FASTKD2: variants seen among roughly 807,000 people sequenced by gnomAD.
The protein encoded by FASTKD2 is FAST kinase domain-containing protein 2, mitochondrial.
Under a neutral mutation model 63.6 loss-of-function variants are expected in FASTKD2, and 51 were observed. That is an observed-to-expected ratio of 0.80 (90% CI 0.64 to 1.01). The LOEUF is 1.01. Ranked by LOEUF, FASTKD2 falls within the 50% of genes least tolerant of loss-of-function variation. The probability of loss-of-function intolerance (pLI) is 0.00; values close to 1 mark genes in which losing one functional copy is unlikely to be tolerated. For synonymous variants in FASTKD2, 284 were observed against 293.4 expected, an observed-to-expected ratio of 0.97 and a Z score of 0.33; for missense variants, 786 against 831.1, an observed-to-expected ratio of 0.95 and a Z score of 0.67.
chr2:206,778,899 C>T (rs1034409460), intron 7 of FASTKD2, among the ~76,000 whole-genome samples: 6 of 152,158 alleles, frequency 3.9e-5, no homozygotes, highest in African/African-American at 1.4e-4. Context: ...GAAACACCCC[C>T]CTATGCCCAG....
chr2:206,771,844 TTTA>T, intron 4 of FASTKD2, 47 bp from the exon 5 acceptor site: 2 of 1,434,890 alleles, frequency 1.4e-6, no homozygotes, highest in Non-Finnish European at 2.0e-6. Flanking sequence ...AAAAGTTTAA[TTTA>T]TTTTGTCACA....
chr2:206,766,777 T>G lies in FASTKD2; in HGVS notation c.84T>G (p.Leu28=). The G allele has an allele frequency of 1.2e-6, 2 of 1,613,916 alleles. No individual in the cohort carries two copies. Reference sequence around the variant, plus strand: ...AAGCGGGCTCCTTTTTCTGGAACCTTAGACAATTCAGTACATTAGTTTCAA... The same window carrying G: ...AAGCGGGCTCCTTTTTCTGGAACCTGAGACAATTCAGTACATTAGTTTCAA... ...NNKAGSFFWN[L]RQFSTLVSTS... The change falls in exon 2 of 12, where the codon CTT becomes CTG. Residue 28 remains leucine, a synonymous_variant. Coordinates refer to ENST00000402774, the MANE Select transcript of FASTKD2 (RefSeq NM_001136193.2).
chr2:206,779,547 A>G (rs1055758578), intron 7 of FASTKD2, among the ~76,000 whole-genome samples: 2 of 152,204 alleles, frequency 1.3e-5, no homozygotes, highest in African/African-American at 4.8e-5. Flanking sequence ...AGAAAGGGCG[A>G]GGAAGTGCTA....
rs746184606 is a variant in FASTKD2, at chr2:206,767,060, G to T, written c.367G>T (p.Val123Phe). 6.2e-7 allele frequency: 1 copy of T among 1,614,078 alleles called. No individual in the cohort carries two copies. The highest frequency in any genetic ancestry group is 8.5e-7 in the Non-Finnish European group (1 of 1,179,956). The part of the protein sequence containing the change: ...FFDSKQSLVP[V>F]DKSDDELKKV... ...TGACTCAAAGCAGTCTCTTGTCCCT[G>T]TTGATAAATCTGATGATGAATTGAA... Residue 123 changes from valine to phenylalanine, a missense_variant, in exon 2 of 12, where the codon GTT becomes TTT. Physicochemically the swap from Val to Phe is conservative, Grantham distance 50. Transcript: ENST00000402774.
chr2:206,785,146 TGA>T (rs142780723), intron 7 of FASTKD2, among the ~76,000 whole-genome samples: 4,442 of 152,154 alleles, frequency 0.029, 114 homozygotes, highest in African/African-American at 0.065. Flanking sequence ...TCAGATCTCG[TGA>T]GACTTATTGA....
At chr2:206,791,346 A>C in intron 11 of FASTKD2, 1 of 288,662 alleles carries the variant, frequency 3.5e-6, no homozygotes, top group East Asian at 9.1e-5. Context: ...CGTGTGGACT[A>C]TTGAGATTAA....
chr2:206,772,724 T>C (rs1689718241), intron 6 of FASTKD2, among the ~76,000 whole-genome samples: 1 of 151,630 alleles, frequency 6.6e-6, no homozygotes, highest in Admixed American at 6.6e-5. Context: ...GCATATTGTA[T>C]TCAATAAATT....
At chr2:206,778,299 G>A (rs1015321388) in intron 7 of FASTKD2, among the ~76,000 whole-genome samples, 1 of 151,400 alleles carries the variant, frequency 6.6e-6, no homozygotes, top group Non-Finnish European at 1.5e-5. Context: ...AAGTTTTCTT[G>A]TTAGTACTGC....
At chr2:206,771,350 T>C (rs1276837616) in intron 4 of FASTKD2, 60 bp downstream of exon 4, 2 of 989,738 alleles carry the variant, frequency 2.0e-6, no homozygotes, top group Non-Finnish European at 3.2e-6. Flanking sequence ...TATAACCTGC[T>C]ATCACTGCCT....
At position 206,766,814 on chromosome 2, in the gene FASTKD2, A is replaced by C; in HGVS notation, c.121A>C (p.Met41Leu). Residue 41 changes from methionine to leucine, a missense_variant, in exon 2 of 12, where the codon ATG (methionine) becomes CTG (leucine). Met to Leu is a conservative substitution (Grantham distance 15, BLOSUM62 2). Transcript: ENST00000402774. ...TACATTAGTTTCAACAAGCAGAACT[A>C]TGAGGCTATGTTGTTTGGGACTTTG... ...FSTLVSTSRT[M>L]RLCCLGLCKP... The C allele has an allele frequency of 6.2e-7, 1 of 1,612,942 alleles. No individual in the cohort carries two copies. Among genetic ancestry groups the C allele is most frequent in the Non-Finnish European group, 8.5e-7 (1 of 1,179,342 alleles).
chr2:206,774,373 A>G lies in FASTKD2; in HGVS notation c.1403A>G (p.His468Arg), dbSNP rs772042470. Residue 468 changes from histidine (H) to arginine (R), a missense_variant, in exon 7 of 12, where the codon CAT (histidine) becomes CGT (arginine). Coordinates refer to ENST00000402774, the MANE Select transcript of FASTKD2 (RefSeq NM_001136193.2). ...CTTCATACTTACTCTTCTCTCAATC[A>G]TGTCTACAAATGCCAGAACAAAGAG... is the stretch of plus-strand genomic sequence containing the variant. ...SILHTYSSLN[H>R]VYKCQNKEQF... 13 of 1,600,098 alleles carry G rather than the reference A, an allele frequency of 8.1e-6. No individual in the cohort carries two copies. The African/African-American group carries it at 1.5e-4, about 18-fold the overall frequency.
intron 7 of FASTKD2, 72 bp from the exon 8 acceptor site, chr2:206,786,661 C>G (rs1187591721): frequency 2.8e-5 from 38 of 1,359,594 alleles, no homozygotes; most frequent in Non-Finnish European, 4.0e-5. Context: ...TTTCTTATCT[C>G]TTTTCTTTGG....
At chr2:206,783,288 G>A (rs1424281602) in intron 7 of FASTKD2, 2 of 149,374 alleles carry the variant, frequency 1.3e-5, no homozygotes, top group South Asian at 2.1e-4. Flanking sequence ...CTGCACCGGA[G>A]ACTGGGTAAG....
intron 8 of FASTKD2, among the ~76,000 whole-genome samples, chr2:206,787,135 A>C (rs1057339415): frequency 6.6e-6 from 1 of 152,220 alleles, no homozygotes; most frequent in Non-Finnish European, 1.5e-5. Context: ...TAAGGAATGC[A>C]TCATTATTCC....
At chr2:206,788,777 G>T in intron 9 of FASTKD2, 42 bp from the exon 10 acceptor site, 1 of 961,466 alleles carries the variant, frequency 1.0e-6, no homozygotes, top group Non-Finnish European at 1.7e-6. Context: ...AAAGTCACTT[G>T]GAGGAATGTT....
rs1690343663 is a variant in FASTKD2, at chr2:206,793,241, AAAAAAAAAAAT to A, written c.*1441_*1451del. 2.8e-5 allele frequency among the ~76,000 whole-genome samples: 4 copies of A among 144,894 alleles called. No individual in the cohort carries two copies. The highest frequency in any genetic ancestry group is 6.1e-5 in the Non-Finnish European group (4 of 65,256). ...GTCTCAAAAAAAAAAAAAAAAAAAA[AAAAAAAAAAAT>A]ACAAAAACTATAGCAATATGACAAC... On this transcript the variant is annotated 3_prime_UTR_variant, in exon 12 of 12. Coordinates refer to ENST00000402774, the MANE Select transcript of FASTKD2 (RefSeq NM_001136193.2).
At chr2:206,772,911 G>A (rs1559360909) in intron 6 of FASTKD2, among the ~76,000 whole-genome samples, 1 of 152,184 alleles carries the variant, frequency 6.6e-6, no homozygotes, top group Non-Finnish European at 1.5e-5. Context: ...AATTTATGGT[G>A]AGTTTGTTGG....
intron 7 of FASTKD2, among the ~76,000 whole-genome samples, chr2:206,786,212 C>T (rs919751545): frequency 1.3e-5 from 2 of 152,180 alleles, no homozygotes; most frequent in Admixed American, 6.5e-5. Flanking sequence ...TGCTTAACCA[C>T]GTTATACTGT....
At chr2:206,768,446 A>G (rs1689583179) in intron 2 of FASTKD2, among the ~76,000 whole-genome samples, 1 of 152,192 alleles carries the variant, frequency 6.6e-6, no homozygotes, top group Non-Finnish European at 1.5e-5. Context: ...CACACCTGTA[A>G]TCCCAGCACT....
Sources: allele counts gnomAD v4.1 joint callset (sites outside exome capture counted in the v4.1 genomes callset), GRCh38; gene constraint gnomAD v4.1.1; transcripts MANE v1.5; gene names NCBI Gene and HGNC (gene_info 2026-07-23, HGNC 2026-07-21).